Variants in NPIPB2 observed in about 807,000 individuals in gnomAD.
The protein encoded by NPIPB2 is nuclear pore complex-interacting protein family member B2.
NPIPB2 carries 27 observed loss-of-function variants against 30.8 expected under a neutral mutation model. That is an observed-to-expected ratio of 0.88 (90% CI 0.65 to 1.21). The LOEUF (loss-of-function observed/expected upper bound fraction) is 1.21, where lower values mean the gene tolerates loss of function less well. Ranked by LOEUF, NPIPB2 falls within the 50% of genes most tolerant of loss-of-function variation. The pLI, the probability that NPIPB2 is intolerant of heterozygous loss-of-function variation, is 0.00. For missense variants in NPIPB2, 440 were observed against 446.2 expected (o/e 0.99, Z 0.13); for synonymous variants, 147 against 162.0 (o/e 0.91, Z 0.70).
chr16:11,945,022 TA>T (rs560195968), upstream of NPIPB2, among the ~76,000 whole-genome samples: 60 of 140,618 alleles, frequency 4.3e-4, no homozygotes, highest in East Asian at 8.4e-4. Context: ...CTACTAAAAA[TA>T]AAAAAAAAAA....
At chr16:11,936,186 C>G (rs1384583896) in intron 2 of NPIPB2, among the ~76,000 whole-genome samples, 1 of 147,716 alleles carries the variant, frequency 6.8e-6, no homozygotes, top group Non-Finnish European at 1.5e-5. Context: ...CACCTGTAAT[C>G]CCAGCTACTT....
chr16:11,933,824 C>T lies in NPIPB2; in HGVS notation c.292+1G>A, dbSNP rs760506781. The T allele has an allele frequency of 5.7e-6, 9 of 1,588,904 alleles. No individual in the cohort carries two copies. Among genetic ancestry groups the T allele is most frequent in the South Asian group, 2.2e-5 (2 of 90,834 alleles). On this transcript the variant is annotated splice_donor_variant, in intron 3 of 7. Coordinates refer to ENST00000399147, the Ensembl canonical transcript of NPIPB2. LOFTEE classifies it high-confidence loss of function. ...CTATGGGGACTCCAACAGAGCCATA[C>T]CTTCCTGTCTACGGCGGTTGGACCT... is the stretch of plus-strand genomic sequence containing the variant.
upstream of NPIPB2, among the ~76,000 whole-genome samples, chr16:11,942,333 C>T (rs1004045992): frequency 3.4e-5 from 5 of 148,388 alleles, no homozygotes; most frequent in African/African-American, 1.2e-4. Context: ...CCTTATAAGA[C>T]ATAAACATAA....
upstream of NPIPB2, among the ~76,000 whole-genome samples, chr16:11,942,283 G>A (rs1287661826): frequency 6.8e-6 from 1 of 147,550 alleles, no homozygotes; most frequent in Non-Finnish European, 1.5e-5. Flanking sequence ...ATGATTAAAA[G>A]CTAATTCAAA....
At chr16:11,962,623 AAAAAAAC>A (rs1487131472) in intron 1 of NPIPB2, among the ~76,000 whole-genome samples, 45 of 150,276 alleles carry the variant, frequency 3.0e-4, no homozygotes, top group African/African-American at 9.0e-4. Context: ...AAAAAAAAAA[AAAAAAAC>A]CAAAAAAAAA....
chr16:11,960,083 G>T (rs928002958), intron 1 of NPIPB2, among the ~76,000 whole-genome samples: 1 of 152,116 alleles, frequency 6.6e-6, no homozygotes, highest in Non-Finnish European at 1.5e-5. Context: ...TCTGTACTTT[G>T]TGTTTTTCAC....
At chr16:11,971,947 C>A (rs2055238099) in intron 1 of NPIPB2, among the ~76,000 whole-genome samples, 1 of 151,436 alleles carries the variant, frequency 6.6e-6, no homozygotes, top group Non-Finnish European at 1.5e-5. Context: ...GAGTTTGAGA[C>A]CAGCATCGCC....
chr16:11,966,735 A>G (rs2055197167), intron 1 of NPIPB2, among the ~76,000 whole-genome samples: 1 of 152,216 alleles, frequency 6.6e-6, no homozygotes, highest in African/African-American at 2.4e-5. Context: ...TTTTATACAA[A>G]TATAGGTGTT....
rs138170169 is a variant in NPIPB2 at position 11,937,189 on chromosome 16, A to G, written c.192+351T>C. Among the ~76,000 whole-genome samples, 889 of 152,300 alleles carry G rather than the reference A, an allele frequency of 5.8e-3. 13 individuals are homozygous for G. Among genetic ancestry groups the G allele is most frequent in the African/African-American group, 0.02 (845 of 41,558 alleles). ...GTGAATCTTCAGAGACGAGACTGGA[A>G]GCTTTCCTTCCACCCATACGATAGA... On this transcript the variant is annotated intron_variant, in intron 2 of 7. Transcript: ENST00000399147.
Position 11,927,554 on chromosome 16 carries a change from G to A in NPIPB2, c.1013C>T (p.Pro338Leu), listed in dbSNP as rs1025415288. ...CATCTCAGCCGCTCTCCACCTCTTG[G>A]GTTTGGGTGGTTTTTCTGCCTCAGC... The change falls in exon 8 of 8, where the codon CCC (proline) becomes CTC (leucine). Residue 338 changes from proline (P) to leucine (L), a missense_variant. By Grantham distance (98) the Pro-to-Leu change is moderately conservative (BLOSUM62 -3). Around this residue, in one of 3 missense-constraint regions of NPIPB2, gnomAD observed 140 missense variants for 116.8 expected, o/e 1.20. Transcript: ENST00000399147. The A allele has an allele frequency of 6.2e-6, 10 of 1,605,756 alleles. No individual in the cohort carries two copies. In the African/African-American group the frequency reaches 1.3e-4, roughly 21 times the overall value.
rs532940901 is a variant in NPIPB2, at chr16:11,933,365, C to T, written c.488+152G>A. ...GTAGGAAGGGAAAGGAATTATACAG[C>T]TTAAACTAATGAAGCAGAAAGGACA... is the stretch of plus-strand genomic sequence containing the variant. On this transcript the variant is annotated intron_variant, in intron 4 of 7. Transcript: ENST00000399147. Among the ~76,000 whole-genome samples, 831 of 152,152 alleles carry T rather than the reference C, an allele frequency of 5.5e-3. 4 individuals carry two copies. The highest frequency in any genetic ancestry group is 0.014 in the Middle Eastern group (4 of 292).
intron 1 of NPIPB2, among the ~76,000 whole-genome samples, chr16:11,940,982 TG>T (rs1486497319): frequency 2.7e-5 from 4 of 146,892 alleles, no homozygotes; most frequent in African/African-American, 5.1e-5. Flanking sequence ...TAATCTTTTT[TG>T]GAATTTTTTG....
At chr16:11,944,863 G>A (rs2054988357), upstream of NPIPB2, among the ~76,000 whole-genome samples, 1 of 151,526 alleles carries the variant, frequency 6.6e-6, no homozygotes, top group Non-Finnish European at 1.5e-5. Context: ...TGGAGATGAG[G>A]AAACCTTGGA....
At chr16:11,951,621 C>CAT (rs1567473621) in intron 1 of NPIPB2, among the ~76,000 whole-genome samples, 28 of 114,954 alleles carry the variant, frequency 2.4e-4, no homozygotes, top group African/African-American at 1.0e-3. Context: ...ACTGCACATA[C>CAT]ACATACACAC....
At position 11,931,458 on chromosome 16, in the gene NPIPB2, T is replaced by C. The variant is rs1372902178; in HGVS notation, c.489-907A>G. Among the ~76,000 whole-genome samples the C allele has an allele frequency of 4.7e-5, 7 of 149,944 alleles. No homozygotes were observed. The Admixed American group carries it at 4.7e-4, about 10-fold the overall frequency. ...CGCTAGGAAACAGGGGCGAAAACAC[T>C]TCAAAGAGAAAGTTAATGAACTTGT... On this transcript the variant is annotated intron_variant, in intron 4 of 7. Transcript: ENST00000399147.
chr16:11,962,993 G>T (rs2055165353), intron 1 of NPIPB2, among the ~76,000 whole-genome samples: 1 of 152,128 alleles, frequency 6.6e-6, no homozygotes, highest in Non-Finnish European at 1.5e-5. Context: ...CTTGAACCCG[G>T]GAGGCAGAGG....
At chr16:11,958,867 A>T (rs1456577306) in intron 1 of NPIPB2, among the ~76,000 whole-genome samples, 1 of 152,220 alleles carries the variant, frequency 6.6e-6, no homozygotes, top group Admixed American at 6.6e-5. Context: ...GGAAGGAATG[A>T]GACTTTGCAC....
intron 1 of NPIPB2, among the ~76,000 whole-genome samples, chr16:11,965,790 A>T (rs1385534573): frequency 1.3e-5 from 2 of 152,186 alleles, no homozygotes; most frequent in African/African-American, 4.8e-5. Flanking sequence ...AACAATCCAT[A>T]ATTCATTATT....
intron 1 of NPIPB2, among the ~76,000 whole-genome samples, chr16:11,938,852 G>A (rs1352051121): frequency 2.6e-5 from 4 of 151,862 alleles, no homozygotes; most frequent in Non-Finnish European, 4.4e-5. Flanking sequence ...GGGTTCAAGC[G>A]ATTCTCCTGC....
Sources: allele counts gnomAD v4.1 joint callset (sites outside exome capture counted in the v4.1 genomes callset), GRCh38; gene constraint gnomAD v4.1.1; regional missense constraint gnomAD v4.1.1; transcripts MANE v1.5; gene names NCBI Gene and HGNC (gene_info 2026-07-23, HGNC 2026-07-21).